SDK2: variants seen among roughly 807,000 people sequenced by gnomAD.
SDK2 encodes the protein protein sidekick-2.
A neutral mutation model predicts 253.9 loss-of-function variants in SDK2; 105 were observed. The observed-to-expected ratio is 0.41, with a 90% CI of 0.35 to 0.49. SDK2 has a LOEUF of 0.49. Among genes scored for constraint, SDK2 ranks in the 20% least tolerant of loss-of-function variants. SDK2 has a pLI of 0.06. For synonymous variants in SDK2, 1,249 were observed against 1,234.9 expected (o/e 1.01, Z -0.24); for missense variants, 2,608 against 3,003.0 (o/e 0.87, Z 3.07).
chr17:73,362,345 G>A (rs1363424768), intron 38 of SDK2, among the ~76,000 whole-genome samples: 1 of 151,688 alleles, frequency 6.6e-6, no homozygotes. Context: ...CCCCACTCCA[G>A]CTCCACCTCT....
chr17:73,562,109 G>T lies in SDK2; in HGVS notation c.65-54512C>A, dbSNP rs1311290860. On this transcript the variant is annotated intron_variant, in intron 1 of 44. Transcript: ENST00000392650. The stretch of plus-strand genomic sequence containing the variant: ...CCACTGCACTCCAACCTGGGCGACA[G>T]AGCGAAACTCCGTCTCAAAAAAAAG... Among the ~76,000 whole-genome samples the T allele has an allele frequency of 3.3e-5, 5 of 152,142 alleles. No homozygotes were observed. In the East Asian group the frequency reaches 9.6e-4, roughly 29 times the overall value.
At chr17:73,392,407 T>C (rs1439686831) in intron 27 of SDK2, among the ~76,000 whole-genome samples, 1 of 152,108 alleles carries the variant, frequency 6.6e-6, no homozygotes, top group Non-Finnish European at 1.5e-5. Context: ...TAGCTGAGAC[T>C]ACAGGCGTGT....
At chr17:73,474,697 T>C (rs1053155504) in intron 2 of SDK2, among the ~76,000 whole-genome samples, 1 of 152,144 alleles carries the variant, frequency 6.6e-6, no homozygotes, top group Non-Finnish European at 1.5e-5. Context: ...TCTCTCCTGT[T>C]TGCGTCCCCT....
intron 1 of SDK2, among the ~76,000 whole-genome samples, chr17:73,594,925 A>G (rs2045733879): frequency 6.6e-6 from 1 of 152,100 alleles, no homozygotes; most frequent in Non-Finnish European, 1.5e-5. Context: ...ACACACCTGC[A>G]CACAGCACAC....
chr17:73,594,912 A>AGCACACACCTGCACACAGCACACGT, intron 1 of SDK2, among the ~76,000 whole-genome samples: 1 of 152,012 alleles, frequency 6.6e-6, no homozygotes, highest in Non-Finnish European at 1.5e-5. Context: ...AAATACACAC[A>AGCACACACCTGCACACAGCACACGT]GCACACACCT....
chr17:73,354,401 C>A (rs4969109), intron 40 of SDK2, among the ~76,000 whole-genome samples: 150,100 of 152,272 alleles, frequency 0.99, 74,028 homozygotes, highest in Middle Eastern at 1. Flanking sequence ...GGGTCAGGGA[C>A]GAGGCAAGCC....
Position 73,398,346 on chromosome 17 carries a change from G to C in SDK2, c.3177C>G (p.Pro1059=). The C allele has an allele frequency of 6.8e-6, 11 of 1,613,954 alleles. No individual in the cohort carries two copies. The highest frequency in any genetic ancestry group is 9.3e-6 in the Non-Finnish European group (11 of 1,179,862). ...TGTAGCAGGTGAAGGGGTTGAGGTC[G>C]GGCACCTCCATGGAGCGGGCATCGG... is the stretch of plus-strand genomic sequence containing the variant. ...NEPDARSMEV[P]DLNPFTCYSF... Residue 1059 remains proline, a synonymous_variant, in exon 23 of 45, where the codon CCC becomes CCG. Coordinates refer to ENST00000392650, the MANE Select transcript of SDK2 (RefSeq NM_001144952.2).
chr17:73,401,920 A>G, intron 19 of SDK2, 26 bp downstream of exon 19: 2 of 1,551,312 alleles, frequency 1.3e-6, no homozygotes, highest in Non-Finnish European at 1.8e-6. Flanking sequence ...GGGGGGGCAG[A>G]AAGAGCAGGG....
intron 36 of SDK2, among the ~76,000 whole-genome samples, chr17:73,370,378 G>A (rs183580267): frequency 6.6e-6 from 1 of 152,192 alleles, no homozygotes; most frequent in Non-Finnish European, 1.5e-5. Flanking sequence ...GAGTGGCCAG[G>A]ACTACAGGTG....
chr17:73,424,889 G>C (rs1179232480), intron 12 of SDK2, among the ~76,000 whole-genome samples: 3 of 152,218 alleles, frequency 2.0e-5, no homozygotes, highest in Non-Finnish European at 4.4e-5. Context: ...CAGATAACTA[G>C]GGAGAGTGAA....
At chr17:73,348,846 C>A in intron 43 of SDK2, 121 bp from the exon 44 acceptor site, 1 of 784,718 alleles carries the variant, frequency 1.3e-6, no homozygotes, top group East Asian at 2.7e-5. Flanking sequence ...TGCTCCTCCT[C>A]CTTCCTGGGT....
At chr17:73,591,390 A>G (rs1320341928) in intron 1 of SDK2, among the ~76,000 whole-genome samples, 1 of 151,946 alleles carries the variant, frequency 6.6e-6, no homozygotes, top group Non-Finnish European at 1.5e-5. Flanking sequence ...TTTCAGCACA[A>G]CACCTGCCCT....
chr17:73,410,607 AC>A (rs1340238881), intron 18 of SDK2, among the ~76,000 whole-genome samples: 2 of 152,014 alleles, frequency 1.3e-5, no homozygotes, highest in African/African-American at 2.4e-5. Flanking sequence ...ATGAGCCACC[AC>A]CCCCGGCCGA....
chr17:73,408,841 G>A (rs117799554), intron 18 of SDK2, among the ~76,000 whole-genome samples: 2 of 152,172 alleles, frequency 1.3e-5, no homozygotes, highest in Admixed American at 6.5e-5. Context: ...ATAAAACCAC[G>A]AGTAACAGAT....
At chr17:73,360,219 G>C (rs1272678143) in intron 39 of SDK2, among the ~76,000 whole-genome samples, 2 of 152,206 alleles carry the variant, frequency 1.3e-5, no homozygotes, top group Non-Finnish European at 2.9e-5. Flanking sequence ...CGGCTGGGTG[G>C]CTCCTGGGCT....
intron 40 of SDK2, 33 bp downstream of exon 40, chr17:73,358,046 T>C (rs772338770): frequency 2.5e-6 from 4 of 1,612,578 alleles, no homozygotes; most frequent in Admixed American, 1.7e-5. Context: ...GATAATGAGC[T>C]GTGGGGTCTC....
At chr17:73,382,816 A>C (rs2145477354) in intron 33 of SDK2, among the ~76,000 whole-genome samples, 1 of 152,332 alleles carries the variant, frequency 6.6e-6, no homozygotes. Context: ...AGCCTGGCCG[A>C]CATGGTGAAA....
At chr17:73,524,586 C>T (rs1285756983) in intron 1 of SDK2, among the ~76,000 whole-genome samples, 1 of 152,228 alleles carries the variant, frequency 6.6e-6, no homozygotes, top group Admixed American at 6.5e-5. Flanking sequence ...TCTAGCATGA[C>T]TGGAGCAGGG....
At chr17:73,565,370 G>A (rs1298400598) in intron 1 of SDK2, among the ~76,000 whole-genome samples, 1 of 152,208 alleles carries the variant, frequency 6.6e-6, no homozygotes, top group East Asian at 1.9e-4. Flanking sequence ...CAAGTTTGGA[G>A]TTTGAGTGCA....
Sources: gnomAD v4.1 joint callset for allele counts (sites outside exome capture counted in the v4.1 genomes callset) on GRCh38, gnomAD v4.1.1 for gene constraint, MANE v1.5 for transcripts, NCBI Gene and HGNC (gene_info 2026-07-23, HGNC 2026-07-21) for gene names.